VDAC1: variants seen among roughly 807,000 people sequenced by gnomAD.
VDAC1 encodes voltage dependent anion channel 1, also known as non-selective voltage-gated ion channel VDAC1.
VDAC1 carries 10 observed loss-of-function variants against 34.7 expected under a neutral mutation model. That is an observed-to-expected ratio of 0.29 (90% CI 0.18 to 0.49). VDAC1 has a LOEUF of 0.49. VDAC1 is among the 20% of genes least tolerant of loss of function. The probability of loss-of-function intolerance (pLI) is 0.99; values close to 1 mark genes in which losing one functional copy is unlikely to be tolerated. For synonymous variants in VDAC1, 130 were observed against 136.0 expected (o/e 0.96, Z 0.30); for missense variants, 230 against 347.9 (o/e 0.66, Z 2.69).
chr5:133,985,977 C>G lies in VDAC1; in HGVS notation c.323+4878G>C, dbSNP rs376175358. On this transcript the variant is annotated intron_variant, in intron 5 of 8. Coordinates refer to ENST00000265333, the MANE Select transcript of VDAC1 (RefSeq NM_003374.3). ...CTCACTGGATTCTGGCCAGGGCCCA[C>G]AATCCCCAAGAGAAAGGGCAGTGCT... Among the ~76,000 whole-genome samples the G allele has an allele frequency of 2.0e-4, 31 of 152,364 alleles. No homozygotes were observed. The East Asian group carries it at 2.7e-3, about 13-fold the overall frequency.
intron 6 of VDAC1, among the ~76,000 whole-genome samples, chr5:133,977,303 T>G (rs1752517419): frequency 6.6e-6 from 1 of 152,180 alleles, no homozygotes; most frequent in Admixed American, 6.5e-5. Context: ...TGCTGCAACA[T>G]CTAAGCCTGG....
chr5:134,071,673 T>C, the VDAC1 span, among the ~76,000 whole-genome samples: 1 of 152,120 alleles, frequency 6.6e-6, no homozygotes, highest in East Asian at 1.9e-4. The surrounding 1 kb of genome is among the most constrained non-coding windows in gnomAD (Gnocchi z 4.1). Context: ...AGAAGTTAAG[T>C]TTTGAGTCTG....
Position 133,975,464 on chromosome 5 carries a change from CTT to C in VDAC1, c.702+405_702+406del, listed in dbSNP as rs879616685. 2.3e-3 allele frequency among the ~76,000 whole-genome samples: 317 copies of C among 139,702 alleles called. 2 individuals are homozygous for C. The highest frequency in any genetic ancestry group is 7.1e-3 in the Middle Eastern group (2 of 280). 91.6% of individuals were successfully genotyped at this position (139,702 alleles called of 152,430 possible). ...TGTTTTTGTTTTTTTGAGACGGAGT[CTT>C]TTTTTTTTTTTTGAGATAGAATCTC... On this transcript the variant is annotated intron_variant, in intron 7 of 8. Transcript: ENST00000265333.
chr5:134,044,085 G>A, the VDAC1 span, among the ~76,000 whole-genome samples: 1 of 152,254 alleles, frequency 6.6e-6, no homozygotes, highest in East Asian at 1.9e-4. Context: ...TCCAGAGCAG[G>A]CGATGTTTTT....
At chr5:134,064,343 T>C in the VDAC1 span, among the ~76,000 whole-genome samples, 1 of 152,044 alleles carries the variant, frequency 6.6e-6, no homozygotes, top group Admixed American at 6.6e-5. Context: ...TCTTATTCTG[T>C]CACCCAGGCT....
At chr5:134,100,511 C>A in the VDAC1 span, among the ~76,000 whole-genome samples, 1 of 152,186 alleles carries the variant, frequency 6.6e-6, no homozygotes, top group Non-Finnish European at 1.5e-5. Context: ...GGGCTCCCTG[C>A]AGCCTGGGAC....
At chr5:134,059,516 G>GAT in the VDAC1 span, among the ~76,000 whole-genome samples, 1 of 152,076 alleles carries the variant, frequency 6.6e-6, no homozygotes, top group Non-Finnish European at 1.5e-5. Context: ...GCCTGGAGCA[G>GAT]CCTTGTTCAT....
At chr5:134,046,293 G>T in the VDAC1 span, among the ~76,000 whole-genome samples, 1 of 152,194 alleles carries the variant, frequency 6.6e-6, no homozygotes, top group Admixed American at 6.5e-5. Context: ...CTCCCATAGT[G>T]CTGGGATTAC....
the VDAC1 span, among the ~76,000 whole-genome samples, chr5:134,085,424 AG>A: frequency 1.1e-4 from 16 of 152,062 alleles, no homozygotes; most frequent in Admixed American, 9.2e-4. Flanking sequence ...CAAAGCTTGG[AG>A]GTCTTTGAAC....
the VDAC1 span, among the ~76,000 whole-genome samples, chr5:134,073,829 A>G: frequency 0.013 from 1,926 of 152,180 alleles, 21 homozygotes; most frequent in Non-Finnish European, 0.022. Context: ...GTGTGTGTGT[A>G]TATCCCAAAC....
At chr5:133,973,743 C>T in intron 8 of VDAC1, 48 bp downstream of exon 8, 2 of 1,585,246 alleles carry the variant, frequency 1.3e-6, no homozygotes, top group Non-Finnish European at 8.6e-7. Context: ...ACCAGCACCA[C>T]AATTTTTTTA....
the VDAC1 span, among the ~76,000 whole-genome samples, chr5:134,084,604 G>A: frequency 1.3e-5 from 2 of 152,226 alleles, no homozygotes; most frequent in African/African-American, 4.8e-5. Context: ...GCCTGCTGTG[G>A]TTCCCATGGC....
At chr5:134,102,843 C>T in the VDAC1 span, among the ~76,000 whole-genome samples, 1 of 152,116 alleles carries the variant, frequency 6.6e-6, no homozygotes, top group East Asian at 1.9e-4. Context: ...GCCTCTGGGC[C>T]TCAGTTTCCC....
the VDAC1 span, among the ~76,000 whole-genome samples, chr5:134,051,845 C>G: frequency 6.6e-6 from 1 of 151,938 alleles, no homozygotes; most frequent in Non-Finnish European, 1.5e-5. Flanking sequence ...ATTACAGGCA[C>G]CTGTCATCAT....
At chr5:134,077,223 G>C in the VDAC1 span, among the ~76,000 whole-genome samples, 1 of 146,572 alleles carries the variant, frequency 6.8e-6, no homozygotes, top group Non-Finnish European at 1.5e-5. Context: ...GCTGCAGTGA[G>C]CTGAGATTGC....
At chr5:133,987,464 G>C (rs1752951228) in intron 5 of VDAC1, among the ~76,000 whole-genome samples, 2 of 152,166 alleles carry the variant, frequency 1.3e-5, no homozygotes, top group African/African-American at 2.4e-5. Flanking sequence ...GATCGCTTGA[G>C]CTGAGAAGTT....
the VDAC1 span, among the ~76,000 whole-genome samples, chr5:134,092,866 G>T: frequency 1.3e-5 from 2 of 152,196 alleles, no homozygotes; most frequent in Non-Finnish European, 2.9e-5. Flanking sequence ...TTGCACGCAA[G>T]TCTTCCCTCT....
At chr5:134,113,195 C>T in the VDAC1 span, among the ~76,000 whole-genome samples, 2 of 152,216 alleles carry the variant, frequency 1.3e-5, no homozygotes, top group Admixed American at 1.3e-4. Context: ...GCTGGGGAGA[C>T]CTAATGGGCA....
At chr5:134,012,697 A>G in the VDAC1 span, among the ~76,000 whole-genome samples, 1 of 152,168 alleles carries the variant, frequency 6.6e-6, no homozygotes, top group Non-Finnish European at 1.5e-5. Flanking sequence ...TCCTGTTCCT[A>G]TCAAACTAAC....
Sources: gnomAD v4.1 joint callset for allele counts (sites outside exome capture counted in the v4.1 genomes callset) on GRCh38, gnomAD v4.1.1 for gene constraint, Gnocchi (gnomAD v3.1) non-coding constraint, MANE v1.5 for transcripts, NCBI Gene and HGNC (gene_info 2026-07-23, HGNC 2026-07-21) for gene names.